CACNA1D: variants seen among roughly 807,000 people sequenced by gnomAD.
The protein encoded by CACNA1D is calcium voltage-gated channel subunit alpha1 D, also known as voltage-dependent L-type calcium channel subunit alpha-1D.
Under a neutral mutation model 257.1 loss-of-function variants are expected in CACNA1D, and 55 were observed. The ratio of observed to expected loss-of-function variants is 0.21; its 90% CI spans 0.17 to 0.27. The LOEUF (loss-of-function observed/expected upper bound fraction) is 0.27. Ranked by LOEUF, CACNA1D falls within the 10% of genes least tolerant of loss-of-function variation. The pLI is 1.00. For missense variants in CACNA1D, 1,876 were observed against 2,784.0 expected, an observed-to-expected ratio of 0.67 and a Z score of 7.34; for synonymous variants, 980 against 1,014.9, an observed-to-expected ratio of 0.97 and a Z score of 0.65.
chr3:53,613,419 A>C (rs1466576830), intron 3 of CACNA1D, among the ~76,000 whole-genome samples: 2 of 152,132 alleles, frequency 1.3e-5, no homozygotes, highest in Non-Finnish European at 2.9e-5. Flanking sequence ...GAAAGAGCGT[A>C]GTATCTGAAT....
intron 8 of CACNA1D, among the ~76,000 whole-genome samples, chr3:53,695,063 G>A (rs2094561349): frequency 6.6e-6 from 1 of 152,200 alleles, no homozygotes; most frequent in Non-Finnish European, 1.5e-5. Flanking sequence ...TGCTTCTTGG[G>A]TGTCAATGCC....
intron 30 of CACNA1D, among the ~76,000 whole-genome samples, chr3:53,764,863 C>T (rs2095323763): frequency 6.6e-6 from 1 of 152,212 alleles, no homozygotes; most frequent in South Asian, 2.1e-4. Context: ...TCAAAATCAC[C>T]TAGGCAGACA....
At chr3:53,645,028 G>A (rs966367870) in intron 3 of CACNA1D, among the ~76,000 whole-genome samples, 11 of 152,176 alleles carry the variant, frequency 7.2e-5, no homozygotes, top group South Asian at 4.1e-4. Context: ...TGAATGTGAG[G>A]TGATGGCTCA....
intron 3 of CACNA1D, among the ~76,000 whole-genome samples, chr3:53,592,807 G>A (rs1040788056): frequency 4.6e-5 from 7 of 151,966 alleles, no homozygotes; most frequent in Non-Finnish European, 8.8e-5. Flanking sequence ...GGGTTCAAGC[G>A]ATTCTCCTGC....
At chr3:53,610,783 A>C (rs370003922) in intron 3 of CACNA1D, among the ~76,000 whole-genome samples, 1 of 152,088 alleles carries the variant, frequency 6.6e-6, no homozygotes. Flanking sequence ...CACATAAGCT[A>C]TATCTATTTT....
At chr3:53,546,736 G>A (rs1340093803) in intron 3 of CACNA1D, among the ~76,000 whole-genome samples, 1 of 152,192 alleles carries the variant, frequency 6.6e-6, no homozygotes, top group African/African-American at 2.4e-5. Flanking sequence ...ATTACTAACT[G>A]CATTGCATCA....
At chr3:53,662,945 T>C (rs1354251498) in intron 5 of CACNA1D, among the ~76,000 whole-genome samples, 1 of 152,188 alleles carries the variant, frequency 6.6e-6, no homozygotes, top group African/African-American at 2.4e-5. Flanking sequence ...AACCTGGCCA[T>C]GGGGATTGGA....
intron 3 of CACNA1D, among the ~76,000 whole-genome samples, chr3:53,630,933 T>TA (rs1209007835): frequency 1.3e-5 from 2 of 152,322 alleles, no homozygotes; most frequent in East Asian, 3.9e-4. Context: ...GCATTATGTC[T>TA]AAAAAATGCA....
At chr3:53,688,597 G>C (rs1442503790) in intron 8 of CACNA1D, among the ~76,000 whole-genome samples, 3 of 152,148 alleles carry the variant, frequency 2.0e-5, no homozygotes, top group Non-Finnish European at 4.4e-5. Flanking sequence ...ATTTCTGTGA[G>C]CTGGAAAAGT....
chr3:53,784,719 C>T (rs958572149), intron 39 of CACNA1D, among the ~76,000 whole-genome samples: 2 of 152,108 alleles, frequency 1.3e-5, no homozygotes, highest in Non-Finnish European at 2.9e-5. Context: ...CATGGCAGGC[C>T]ACCAGAGACT....
chr3:53,580,979 C>G (rs1030868818), intron 3 of CACNA1D, among the ~76,000 whole-genome samples: 5 of 152,308 alleles, frequency 3.3e-5, no homozygotes, highest in Middle Eastern at 3.4e-3. Flanking sequence ...GGTGAAAGAT[C>G]TGGACCCAAG....
chr3:53,707,356 C>T (rs2094701277), intron 9 of CACNA1D, among the ~76,000 whole-genome samples: 1 of 152,132 alleles, frequency 6.6e-6, no homozygotes, highest in South Asian at 2.1e-4. Flanking sequence ...GGGTTCAGAA[C>T]TCCTGAGTCC....
intron 40 of CACNA1D, chr3:53,792,406 G>A (rs1242763414): frequency 2.0e-5 from 3 of 152,228 alleles, no homozygotes; most frequent in Admixed American, 6.5e-5. Flanking sequence ...CCATAGTGCA[G>A]AGGTAATGCA....
chr3:53,725,459 G>A (rs1044351075), intron 14 of CACNA1D, among the ~76,000 whole-genome samples: 7 of 152,054 alleles, frequency 4.6e-5, no homozygotes, highest in Non-Finnish European at 1.0e-4. Context: ...GTAGATCTGT[G>A]GGATAAACTC....
chr3:53,670,237 G>A (rs1312676969), intron 7 of CACNA1D, among the ~76,000 whole-genome samples: 2 of 152,174 alleles, frequency 1.3e-5, no homozygotes, highest in Non-Finnish European at 2.9e-5. Flanking sequence ...GCTCTGGGGT[G>A]TTAAAACCAG....
At chr3:53,778,225 A>G (rs2095408144) in intron 37 of CACNA1D, among the ~76,000 whole-genome samples, 1 of 152,070 alleles carries the variant, frequency 6.6e-6, no homozygotes, top group South Asian at 2.1e-4. Context: ...ACTTCCCAGT[A>G]CTGGCCTCTT....
rs548297400 is a variant in CACNA1D, at chr3:53,638,897, T to G, written c.484-11882T>G. ...GTGTTGGTTGGATAACTTGACTAACTTTCTCAGCAGTCCTTTGAGCAGCTG... is the reference window on the plus strand; with the variant it reads ...GTGTTGGTTGGATAACTTGACTAACGTTCTCAGCAGTCCTTTGAGCAGCTG... On this transcript the variant is annotated intron_variant, in intron 3 of 47. Coordinates refer to ENST00000350061, the MANE Select transcript of CACNA1D (RefSeq NM_001128840.3). 3.0e-4 allele frequency among the ~76,000 whole-genome samples: 46 copies of G among 152,314 alleles called. 2 individuals carry two copies. The South Asian group carries it at 9.3e-3, about 31-fold the overall frequency.
At chr3:53,604,762 G>C (rs1228639856) in intron 3 of CACNA1D, among the ~76,000 whole-genome samples, 1 of 152,180 alleles carries the variant, frequency 6.6e-6, no homozygotes, top group Non-Finnish European at 1.5e-5. Context: ...ATTAGTAGGA[G>C]GGGACAGACT....
chr3:53,611,827 T>G (rs896034316), intron 3 of CACNA1D, among the ~76,000 whole-genome samples: 2 of 152,240 alleles, frequency 1.3e-5, no homozygotes, highest in African/African-American at 4.8e-5. Flanking sequence ...TTTTATGCTT[T>G]GTGGACCAGA....
Sources: gnomAD v4.1 joint callset for allele counts (sites outside exome capture counted in the v4.1 genomes callset) on GRCh38, gnomAD v4.1.1 for gene constraint, MANE v1.5 for transcripts, NCBI Gene and HGNC (gene_info 2026-07-23, HGNC 2026-07-21) for gene names.